Variants in TCF4 observed in about 807,000 individuals in gnomAD.
TCF4 encodes SL3-3 enhancer factor 2.
Under a neutral mutation model 82.1 loss-of-function variants are expected in TCF4, and 3 were observed. That is an observed-to-expected ratio of 0.04 (90% CI 0.02 to 0.09). TCF4 has a LOEUF of 0.09. TCF4 is among the 10% of genes least tolerant of loss of function. The pLI is 1.00. For synonymous variants in TCF4, 276 were observed against 309.6 expected, an observed-to-expected ratio of 0.89 and a Z score of 1.14; for missense variants, 518 against 852.7, an observed-to-expected ratio of 0.61 and a Z score of 4.89.
chr18:55,234,428 C>T lies in TCF4; in HGVS notation c.1486+120G>A. 2.1e-6 allele frequency: 3 copies of T among 1,426,484 alleles called. No individual in the cohort carries two copies. The South Asian group carries it at 3.6e-5, about 17-fold the overall frequency. 88.4% of individuals were successfully genotyped at this position (1,426,484 alleles called of 1,614,324 possible). A position where few individuals can be genotyped will look rare whatever the true frequency, so the allele number is the denominator to read the frequency against. On this transcript the variant is annotated intron_variant, in intron 16 of 19. Transcript: ENST00000354452. ...TGCCATTTCCTTACCATTTTTGTGC[C>T]CAATTTGATTCCTGGGTTTCTGCCA...
intron 5 of TCF4, among the ~76,000 whole-genome samples, chr18:55,426,790 T>C (rs1023893386): frequency 1.3e-5 from 2 of 152,118 alleles, no homozygotes; most frequent in African/African-American, 4.8e-5. Context: ...TATGTACTTC[T>C]ATATATATCA....
chr18:55,514,625 G>C (rs1429323381), intron 3 of TCF4, among the ~76,000 whole-genome samples: 1 of 152,130 alleles, frequency 6.6e-6, no homozygotes, highest in Admixed American at 6.6e-5. Flanking sequence ...TGTTCTTACA[G>C]GTTCATCACA....
chr18:55,338,459 C>T (rs1211756293), intron 8 of TCF4, among the ~76,000 whole-genome samples: 1 of 152,194 alleles, frequency 6.6e-6, no homozygotes, highest in Non-Finnish European at 1.5e-5. Flanking sequence ...CAATTCCACA[C>T]TCTAGTCTAA....
chr18:55,500,129 C>T (rs2096681448), intron 3 of TCF4, among the ~76,000 whole-genome samples: 1 of 152,112 alleles, frequency 6.6e-6, no homozygotes, highest in South Asian at 2.1e-4. Context: ...CTACAGTGAG[C>T]CAAGATTGTG....
At chr18:55,291,540 T>C (rs1325740137) in intron 8 of TCF4, among the ~76,000 whole-genome samples, 2 of 152,156 alleles carry the variant, frequency 1.3e-5, no homozygotes, top group African/African-American at 4.8e-5. Context: ...CTTTTTTCTG[T>C]CAAAACATAT....
upstream of TCF4, chr18:55,589,344 T>C (rs1055603020): frequency 2.4e-5 from 25 of 1,053,032 alleles, no homozygotes; most frequent in Non-Finnish European, 2.9e-5. Context: ...AAAGAGACTT[T>C]AAAAAGAGAG....
intron 2 of TCF4, among the ~76,000 whole-genome samples, chr18:55,625,976 G>T (rs557698071): frequency 6.6e-6 from 1 of 152,056 alleles, no homozygotes; most frequent in Non-Finnish European, 1.5e-5. Context: ...TAGTATTTCC[G>T]TCCCTTTCCT....
chr18:55,594,099 T>C (rs1455063460), intron 2 of TCF4, among the ~76,000 whole-genome samples: 1 of 152,042 alleles, frequency 6.6e-6, no homozygotes, highest in Non-Finnish European at 1.5e-5. Flanking sequence ...AGTCCAGAGA[T>C]TTATGACACA....
At chr18:55,269,603 G>A in intron 11 of TCF4, 1 of 573,108 alleles carries the variant, frequency 1.7e-6, no homozygotes, top group Non-Finnish European at 3.1e-6. Context: ...TCAATCTAAT[G>A]ACTTGCAACG....
At chr18:55,499,018 T>C (rs1280328468) in intron 3 of TCF4, among the ~76,000 whole-genome samples, 2 of 152,226 alleles carry the variant, frequency 1.3e-5, no homozygotes, top group East Asian at 1.9e-4. Context: ...AGTTTTTGTT[T>C]TTTAGATCTT....
At chr18:55,591,922 G>A (rs1568478625), upstream of TCF4, among the ~76,000 whole-genome samples, 1 of 152,144 alleles carries the variant, frequency 6.6e-6, no homozygotes, top group Non-Finnish European at 1.5e-5. Context: ...TTGCTTCTTC[G>A]TTTTTTGACC....
chr18:55,510,605 G>A, intron 3 of TCF4: 2 of 1,514,984 alleles, frequency 1.3e-6, no homozygotes, highest in Middle Eastern at 1.7e-4. Context: ...CATATGAATA[G>A]GAAGTAATAA....
chr18:55,257,550 C>G (rs1392870215), intron 13 of TCF4, 159 bp from the exon 14 acceptor site: 3 of 694,740 alleles, frequency 4.3e-6, no homozygotes, highest in East Asian at 2.7e-5. Flanking sequence ...AATTTTGGGA[C>G]AAGGAAAACA....
chr18:55,465,932 G>C (rs955515326), intron 3 of TCF4, among the ~76,000 whole-genome samples: 1 of 152,114 alleles, frequency 6.6e-6, no homozygotes, highest in Non-Finnish European at 1.5e-5. Flanking sequence ...ATCCCTATAA[G>C]TACCATAAGA....
intron 2 of TCF4, among the ~76,000 whole-genome samples, chr18:55,615,808 T>C (rs2097711188): frequency 6.6e-6 from 1 of 152,162 alleles, no homozygotes; most frequent in East Asian, 1.9e-4. Context: ...ACTGACTGAT[T>C]TTCAATTGTT....
intron 5 of TCF4, among the ~76,000 whole-genome samples, chr18:55,446,713 G>A (rs187265445): frequency 5.3e-5 from 8 of 152,242 alleles, no homozygotes; most frequent in South Asian, 2.1e-4. Flanking sequence ...GGCCAGGCGC[G>A]GTGACTCACG....
At chr18:55,235,371 T>C (rs2049066143) in intron 15 of TCF4, among the ~76,000 whole-genome samples, 1 of 152,186 alleles carries the variant, frequency 6.6e-6, no homozygotes, top group South Asian at 2.1e-4. Flanking sequence ...AAAGGTTTTA[T>C]TAAACACACC....
chr18:55,485,329 C>T (rs1363935639), intron 3 of TCF4, among the ~76,000 whole-genome samples: 1 of 152,082 alleles, frequency 6.6e-6, no homozygotes, highest in African/African-American at 2.4e-5. Flanking sequence ...AGTAGATCTC[C>T]CCCTCCACCA....
chr18:55,601,732 C>T (rs1029931384), intron 2 of TCF4, among the ~76,000 whole-genome samples: 2 of 151,992 alleles, frequency 1.3e-5, no homozygotes, highest in Admixed American at 6.6e-5. Context: ...TGCAGTGAGC[C>T]GAGATCATGC....
Sources: allele counts gnomAD v4.1 joint callset (sites outside exome capture counted in the v4.1 genomes callset), GRCh38; gene constraint gnomAD v4.1.1; transcripts MANE v1.5; gene names NCBI Gene and HGNC (gene_info 2026-07-23, HGNC 2026-07-21).